Variants in PDE7B observed in about 807,000 individuals in gnomAD.
PDE7B encodes the protein phosphodiesterase 7B.
PDE7B carries 29 observed loss-of-function variants against 56.2 expected under a neutral mutation model. The ratio of observed to expected loss-of-function variants is 0.52; its 90% confidence interval spans 0.38 to 0.70. PDE7B has a LOEUF of 0.70. PDE7B is among the 30% of genes least tolerant of loss of function. The pLI is 0.00. For synonymous variants in PDE7B, 197 were observed against 196.9 expected (o/e 1.00, Z 0.00); for missense variants, 490 against 565.0 (o/e 0.87, Z 1.35).
At chr6:136,075,810 G>A (rs973754850) in intron 2 of PDE7B, among the ~76,000 whole-genome samples, 1 of 152,184 alleles carries the variant, frequency 6.6e-6, no homozygotes. Flanking sequence ...TCAAGAGGAG[G>A]TACGGCTAGT....
rs147851695 is a variant in PDE7B at position 135,938,940 on chromosome 6, A to C, written c.22-8524A>C. Among the ~76,000 whole-genome samples the C allele has an allele frequency of 8.1e-3, 1,234 of 152,324 alleles. 11 individuals carry two copies. Among genetic ancestry groups the C allele is most frequent in the African/African-American group, 0.028 (1,168 of 41,570 alleles). Reference sequence around the variant, plus strand: ...GGTTTTCCAAGTTTTGGTTCATAATAAGTAGTTTTTAAACATTTAAAAATA... The same window carrying C: ...GGTTTTCCAAGTTTTGGTTCATAATCAGTAGTTTTTAAACATTTAAAAATA... On this transcript the variant is annotated intron_variant, in intron 1 of 12. Coordinates refer to ENST00000308191, the MANE Select transcript of PDE7B (RefSeq NM_018945.4).
chr6:135,906,827 T>TG (rs1776121324), intron 1 of PDE7B, among the ~76,000 whole-genome samples: 4 of 133,544 alleles, frequency 3.0e-5, no homozygotes, highest in South Asian at 2.7e-4. Context: ...TTTTTTTTTT[T>TG]TTTTTTTTTA....
chr6:135,879,169 A>G (rs1364676792), intron 1 of PDE7B, among the ~76,000 whole-genome samples: 1 of 152,096 alleles, frequency 6.6e-6, no homozygotes, highest in Admixed American at 6.5e-5. Flanking sequence ...CATGAATTGG[A>G]TATACCATGG....
At chr6:135,908,175 A>T (rs1583759590) in intron 1 of PDE7B, among the ~76,000 whole-genome samples, 1 of 149,570 alleles carries the variant, frequency 6.7e-6, no homozygotes, top group Admixed American at 6.7e-5. Flanking sequence ...TGCAACCTAC[A>T]CCTCCTGGGT....
chr6:136,100,963 G>A lies in PDE7B; in HGVS notation c.83-7768G>A, dbSNP rs147971952. ...TCCATCAATACATAGTTTATTGAGA[G>A]TTTTTAGCATGAAAGGCTGAATTTT... On this transcript the variant is annotated intron_variant, in intron 2 of 12. Coordinates refer to ENST00000308191, the MANE Select transcript of PDE7B (RefSeq NM_018945.4). 4.2e-3 allele frequency among the ~76,000 whole-genome samples: 637 copies of A among 152,290 alleles called. 4 individuals carry two copies. The highest frequency in any genetic ancestry group is 7.2e-3 in the Non-Finnish European group (490 of 68,000).
At chr6:136,025,375 T>C (rs1304806573) in intron 2 of PDE7B, among the ~76,000 whole-genome samples, 3 of 152,152 alleles carry the variant, frequency 2.0e-5, no homozygotes, top group Non-Finnish European at 2.9e-5. Context: ...GAAAAACAAA[T>C]GGAATCATTG....
intron 8 of PDE7B, among the ~76,000 whole-genome samples, chr6:136,172,008 G>A (rs1778891672): frequency 6.6e-6 from 1 of 152,014 alleles, no homozygotes; most frequent in South Asian, 2.1e-4. Flanking sequence ...TGGTGTATAT[G>A]TGCCACATTT....
At chr6:135,875,603 A>C (rs1178612146) in intron 1 of PDE7B, among the ~76,000 whole-genome samples, 1 of 152,188 alleles carries the variant, frequency 6.6e-6, no homozygotes, top group Non-Finnish European at 1.5e-5. Flanking sequence ...ATGCTTATCT[A>C]AATTTCCTCA....
intron 1 of PDE7B, among the ~76,000 whole-genome samples, chr6:135,894,475 G>A (rs920061332): frequency 6.6e-6 from 1 of 152,072 alleles, no homozygotes; most frequent in Non-Finnish European, 1.5e-5. Flanking sequence ...ATTATAACCT[G>A]TTCCTATTTT....
intron 2 of PDE7B, among the ~76,000 whole-genome samples, chr6:135,957,055 A>T (rs1399948000): frequency 6.6e-6 from 1 of 152,124 alleles, no homozygotes; most frequent in East Asian, 1.9e-4. Flanking sequence ...CTGAAGTTTT[A>T]TGAAGAGAAA....
At chr6:136,041,242 C>T (rs967241279) in intron 2 of PDE7B, among the ~76,000 whole-genome samples, 3 of 152,144 alleles carry the variant, frequency 2.0e-5, no homozygotes, top group Non-Finnish European at 2.9e-5. Flanking sequence ...TATTTTTACG[C>T]ACCCTTCTTC....
At chr6:136,164,394 AC>A (rs1414887522) in intron 8 of PDE7B, among the ~76,000 whole-genome samples, 1 of 152,188 alleles carries the variant, frequency 6.6e-6, no homozygotes, top group African/African-American at 2.4e-5. Context: ...TATAGGAACT[AC>A]AATTCAAGAT....
chr6:136,149,639 G>A (rs1257461151), intron 5 of PDE7B, among the ~76,000 whole-genome samples: 1 of 152,162 alleles, frequency 6.6e-6, no homozygotes, highest in Non-Finnish European at 1.5e-5. Context: ...AAAAGCTTAG[G>A]CTGCAGCCAA....
At chr6:135,915,220 T>C (rs1400273874) in intron 1 of PDE7B, among the ~76,000 whole-genome samples, 1 of 152,248 alleles carries the variant, frequency 6.6e-6, no homozygotes, top group African/African-American at 2.4e-5. Flanking sequence ...TTTGGAGTTT[T>C]GTCTGTCACA....
chr6:135,981,837 CAT>C (rs1206230551), intron 2 of PDE7B, among the ~76,000 whole-genome samples: 1 of 150,802 alleles, frequency 6.6e-6, no homozygotes, highest in Non-Finnish European at 1.5e-5. Context: ...ACACCAATAA[CAT>C]AGTTGTTTAT....
At chr6:136,051,147 G>A (rs1776620539) in intron 2 of PDE7B, among the ~76,000 whole-genome samples, 1 of 152,002 alleles carries the variant, frequency 6.6e-6, no homozygotes, top group South Asian at 2.1e-4. Flanking sequence ...GGGGCGGGCA[G>A]AGATTTCTGA....
intron 2 of PDE7B, chr6:136,095,952 T>C (rs945482158): frequency 2.6e-5 from 4 of 152,264 alleles, no homozygotes; most frequent in African/African-American, 9.6e-5. Context: ...AACTGCATTC[T>C]ATAACATGGG....
intron 1 of PDE7B, among the ~76,000 whole-genome samples, chr6:135,902,414 C>T (rs867952103): frequency 6.6e-6 from 1 of 151,520 alleles, no homozygotes; most frequent in African/African-American, 2.4e-5. Context: ...CTTCTTTGTG[C>T]CCTGAGTCAG....
intron 2 of PDE7B, among the ~76,000 whole-genome samples, chr6:136,040,161 C>T (rs1415761253): frequency 6.6e-6 from 1 of 152,178 alleles, no homozygotes; most frequent in Non-Finnish European, 1.5e-5. Context: ...GCCTCACATT[C>T]AGTGGAAACT....
Sources: gnomAD v4.1 joint callset for allele counts (sites outside exome capture counted in the v4.1 genomes callset) on GRCh38, gnomAD v4.1.1 for gene constraint, MANE v1.5 for transcripts, NCBI Gene and HGNC (gene_info 2026-07-23, HGNC 2026-07-21) for gene names.